Variants in BCHE observed in about 807,000 individuals in gnomAD.
BCHE encodes butyrylcholinesterase.
Under a neutral mutation model 51.3 loss-of-function variants are expected in BCHE, and 48 were observed. The ratio of observed to expected loss-of-function variants is 0.94; its 90% CI spans 0.74 to 1.19. The LOEUF is 1.19. BCHE is among the 50% of genes most tolerant of loss of function. The pLI is 0.00. For synonymous variants in BCHE, 251 were observed against 238.0 expected, an observed-to-expected ratio of 1.05 and a Z score of -0.50; for missense variants, 847 against 708.2, an observed-to-expected ratio of 1.20 and a Z score of -2.23.
At chr3:165,775,537 T>A (rs563429287) in intron 3 of BCHE, among the ~76,000 whole-genome samples, 14 of 151,694 alleles carry the variant, frequency 9.2e-5, no homozygotes, top group African/African-American at 1.9e-4. Context: ...CCAGAAAAAA[T>A]TTTTCTTGAT....
chr3:165,809,814 C>G (rs886573668), intron 2 of BCHE, among the ~76,000 whole-genome samples: 1 of 152,040 alleles, frequency 6.6e-6, no homozygotes, highest in African/African-American at 2.4e-5. Context: ...ACAGTAATAG[C>G]AGCAGCTCAC....
intron 1 of BCHE, among the ~76,000 whole-genome samples, chr3:165,833,510 T>C (rs1715066149): frequency 6.6e-6 from 1 of 152,102 alleles, no homozygotes; most frequent in Admixed American, 6.6e-5. Flanking sequence ...AAAGGTACAG[T>C]GAAAATACTA....
At chr3:165,799,812 A>G (rs1165343944) in intron 2 of BCHE, among the ~76,000 whole-genome samples, 4 of 152,094 alleles carry the variant, frequency 2.6e-5, no homozygotes, top group African/African-American at 9.6e-5. Context: ...CCTTTAACCA[A>G]AATAATTTCA....
intron 2 of BCHE, among the ~76,000 whole-genome samples, chr3:165,828,675 T>A (rs1435729203): frequency 1.3e-5 from 2 of 152,052 alleles, no homozygotes; most frequent in Non-Finnish European, 2.9e-5. Flanking sequence ...ATTATTCACA[T>A]TGGTGCAATT....
chr3:165,805,092 A>C (rs1713821332), intron 2 of BCHE, among the ~76,000 whole-genome samples: 1 of 152,222 alleles, frequency 6.6e-6, no homozygotes, highest in Non-Finnish European at 1.5e-5. Context: ...AGCAAGAATA[A>C]AATGTAAATA....
intron 2 of BCHE, among the ~76,000 whole-genome samples, chr3:165,817,610 A>C (rs1714359923): frequency 6.6e-6 from 1 of 152,066 alleles, no homozygotes; most frequent in Non-Finnish European, 1.5e-5. Context: ...ATTTTTCCCC[A>C]GATATTCACA....
intron 1 of BCHE, among the ~76,000 whole-genome samples, chr3:165,832,133 A>G (rs1715013911): frequency 6.6e-6 from 1 of 152,216 alleles, no homozygotes; most frequent in African/African-American, 2.4e-5. Context: ...TTATGAAATA[A>G]TATTTAATGG....
chr3:165,819,052 T>C (rs529408824), intron 2 of BCHE, among the ~76,000 whole-genome samples: 1 of 149,398 alleles, frequency 6.7e-6, no homozygotes, highest in East Asian at 2.0e-4. Flanking sequence ...TCTTAAGTAC[T>C]GTGTGTTTAG....
intron 2 of BCHE, among the ~76,000 whole-genome samples, chr3:165,821,307 T>A (rs1480331471): frequency 6.6e-6 from 1 of 151,832 alleles, no homozygotes; most frequent in African/African-American, 2.4e-5. Flanking sequence ...TACTATATAA[T>A]AAGTATAAAT....
At chr3:165,788,362 A>G (rs1258952631) in intron 2 of BCHE, among the ~76,000 whole-genome samples, 1 of 152,086 alleles carries the variant, frequency 6.6e-6, no homozygotes, top group Non-Finnish European at 1.5e-5. Context: ...TGGATAATTT[A>G]ATAAGAATTA....
chr3:165,794,638 T>C (rs1217899017), intron 2 of BCHE, among the ~76,000 whole-genome samples: 5 of 152,174 alleles, frequency 3.3e-5, no homozygotes, highest in African/African-American at 1.2e-4. Context: ...CATCACCTAA[T>C]CACTTTCCCA....
In BCHE at chr3:165,773,409, GC is replaced by G. The variant is rs1453107901; in HGVS notation, c.1781del (p.Ser594ThrfsTer11). 1.2e-6 allele frequency: 2 copies of G among 1,610,778 alleles called. No individual in the cohort carries two copies. Among genetic ancestry groups the G allele is most frequent in the South Asian group, 2.2e-5 (2 of 90,898 alleles). On this transcript the variant is annotated frameshift_variant, in exon 4 of 4. Coordinates refer to ENST00000264381, the MANE Select transcript of BCHE (RefSeq NM_000055.4). LOFTEE classifies it high-confidence loss of function. ...DWKNQFNDYT[S>X]KKESCVGL ...AGAGACCCACACAACTTTCTTTCTT[GC>G]TAGTGTAATCGTTAAATTGATTTTT...
chr3:165,836,631 G>T (rs1016462470), intron 1 of BCHE, among the ~76,000 whole-genome samples: 1 of 151,898 alleles, frequency 6.6e-6, no homozygotes, highest in Non-Finnish European at 1.5e-5. Context: ...AAGTACATTT[G>T]CTTACTATTT....
intron 2 of BCHE, among the ~76,000 whole-genome samples, chr3:165,787,280 A>C (rs946718195): frequency 6.6e-6 from 1 of 151,536 alleles, no homozygotes; most frequent in African/African-American, 2.4e-5. Context: ...GAGATTTTTA[A>C]AAGTGGCTCT....
intron 2 of BCHE, among the ~76,000 whole-genome samples, chr3:165,787,208 C>T (rs927784294): frequency 1.3e-5 from 2 of 151,738 alleles, no homozygotes; most frequent in African/African-American, 4.8e-5. Context: ...GTGTTGAGCT[C>T]ATTTATACCT....
chr3:165,834,167 T>C (rs2108238508), intron 1 of BCHE, among the ~76,000 whole-genome samples: 1 of 152,104 alleles, frequency 6.6e-6, no homozygotes, highest in African/African-American at 2.4e-5. Context: ...TTGTTTATGT[T>C]AAACAGTTGC....
At position 165,830,792 on chromosome 3, in the gene BCHE, G is replaced by C; in HGVS notation, c.242C>G (p.Ser81Cys). The C allele has an allele frequency of 6.2e-7, 1 of 1,613,726 alleles. No homozygotes were observed. Among genetic ancestry groups the C allele is most frequent in the Non-Finnish European group, 8.5e-7 (1 of 1,179,804 alleles). ...FKKPQSLTKW[S>C]DIWNATKYAN... is the part of the protein sequence containing the mutation. ...ATATTTTGTGGCATTCCAAATATCA[G>C]ACCACTTGGTCAGAGACTGTGGCTT... The change falls in exon 2 of 4, where the codon TCT (serine) becomes TGT (cysteine). Residue 81 changes from serine to cysteine, a missense_variant. Transcript: ENST00000264381.
rs940988707 is a variant in BCHE at position 165,816,730 on chromosome 3, C to A, written c.1517+12787G>T. On this transcript the variant is annotated intron_variant, in intron 2 of 3. Coordinates refer to ENST00000264381, the MANE Select transcript of BCHE (RefSeq NM_000055.4). ...CTCTTTATTTAGTCTTGAGTGGATA[C>A]CATGTTCTCCTAGTTGCCCTCCAAT... 5.9e-5 allele frequency among the ~76,000 whole-genome samples: 9 copies of A among 152,052 alleles called. No homozygotes were observed. In the East Asian group the frequency reaches 1.5e-3, roughly 26 times the overall value.
chr3:165,830,900 T>C lies in BCHE; in HGVS notation c.134A>G (p.Asn45Ser). 6.2e-7 allele frequency: 1 copy of C among 1,613,960 alleles called. No homozygotes were observed. The highest frequency in any genetic ancestry group is 8.5e-7 in the Non-Finnish European group (1 of 1,179,896). ...ATKNGKVRGM[N>S]LTVFGGTVTA... ...TACCGTGCCACCAAAAACTGTCAAG[T>C]TCATCCCTCTGACTTTTCCATTCTT... Residue 45 changes from asparagine (N) to serine (S), a missense_variant, in exon 2 of 4, where the codon AAC becomes AGC. Coordinates refer to ENST00000264381, the MANE Select transcript of BCHE (RefSeq NM_000055.4).
Sources: allele counts gnomAD v4.1 joint callset (sites outside exome capture counted in the v4.1 genomes callset), GRCh38; gene constraint gnomAD v4.1.1; transcripts MANE v1.5; gene names NCBI Gene and HGNC (gene_info 2026-07-23, HGNC 2026-07-21).